Variants in MACF1 observed in about 807,000 individuals in gnomAD.
The protein encoded by MACF1 is microtubule actin crosslinking factor 1, also known as microtubule-actin cross-linking factor 1.
A neutral mutation model predicts 854.8 loss-of-function variants in MACF1; 193 were observed. The ratio of observed to expected loss-of-function variants is 0.23; its 90% CI spans 0.20 to 0.25. The LOEUF is 0.25. Ranked by LOEUF, MACF1 falls within the 10% of genes least tolerant of loss-of-function variation. The probability of loss-of-function intolerance (pLI) is 1.00; values close to 1 mark genes in which losing one functional copy is unlikely to be tolerated. For synonymous variants in MACF1, 3,185 were observed against 3,226.7 expected, an observed-to-expected ratio of 0.99 and a Z score of 0.44; for missense variants, 7,722 against 8,929.1, an observed-to-expected ratio of 0.86 and a Z score of 5.45.
At chr1:39,426,367 C>A (rs115270740) in intron 61 of MACF1, among the ~76,000 whole-genome samples, 1 of 152,064 alleles carries the variant, frequency 6.6e-6, no homozygotes, top group Admixed American at 6.6e-5. Flanking sequence ...TAGGACCTGG[C>A]GTAAATTAGG....
rs551333026 is a variant in MACF1, at chr1:39,332,722, C to G, written c.6134C>G (p.Ser2045Cys). 14 of 1,614,120 alleles carry G rather than the reference C, an allele frequency of 8.7e-6. No individual in the cohort carries two copies. Among genetic ancestry groups the G allele is most frequent in the Non-Finnish European group, 1.2e-5 (14 of 1,180,012 alleles). The part of the protein sequence containing the change: ...WTVRLPEFQF[S>C]SQNKEYPDRE... Reference sequence around the variant, plus strand: ...GTGAGGCTGCCTGAGTTCCAGTTTTCTTCTCAGAACAAAGAATATCCCGAT... The same window carrying G: ...GTGAGGCTGCCTGAGTTCCAGTTTTGTTCTCAGAACAAAGAATATCCCGAT... The change falls in exon 37 of 101, where the codon TCT becomes TGT. Residue 2045 changes from serine to cysteine, a missense_variant. Physicochemically the swap from Ser to Cys is moderately radical, Grantham distance 112. Transcript: ENST00000564288.
chr1:39,318,729 T>A, intron 30 of MACF1, 114 bp downstream of exon 30: 1 of 1,178,692 alleles, frequency 8.5e-7, no homozygotes, highest in Non-Finnish European at 1.2e-6. Flanking sequence ...ATATCCAAAT[T>A]CCCTTTTCTT....
At chr1:39,462,652 G>A (rs1159049163) in intron 93 of MACF1, among the ~76,000 whole-genome samples, 2 of 152,022 alleles carry the variant, frequency 1.3e-5, no homozygotes, top group African/African-American at 4.8e-5. Flanking sequence ...GAGATCAAAG[G>A]TGTGGTAAGC....
At position 39,360,549 on chromosome 1, in the gene MACF1, A is replaced by G. The variant is rs116645733; in HGVS notation, c.12245-244A>G. ...ATTATTATTACAATTACTATGTTCA[A>G]TGTAGGACTGGGCATGGTGGCTCAT... is the stretch of plus-strand genomic sequence containing the variant. On this transcript the variant is annotated intron_variant, in intron 47 of 100. Transcript: ENST00000564288. Among the ~76,000 whole-genome samples, 2,787 of 151,818 alleles carry G rather than the reference A, an allele frequency of 0.018. 94 individuals carry two copies. Among genetic ancestry groups the G allele is most frequent in the African/African-American group, 0.064 (2,664 of 41,450 alleles).
intron 2 of MACF1, among the ~76,000 whole-genome samples, chr1:39,152,560 C>G (rs941925244): frequency 2.6e-5 from 4 of 152,154 alleles, no homozygotes; most frequent in Non-Finnish European, 4.4e-5. Flanking sequence ...TTTAGCACTT[C>G]CTCAACATTG....
intron 58 of MACF1, among the ~76,000 whole-genome samples, chr1:39,404,145 GTAAGTAAA>G (rs1263093390): frequency 1.5e-5 from 2 of 133,078 alleles, no homozygotes; most frequent in African/African-American, 3.5e-5. Flanking sequence ...AAATAAATAA[GTAAGTAAA>G]TAAATAAATA....
Position 39,411,493 on chromosome 1 carries a change from G to C in MACF1, c.15817-10881G>C, listed in dbSNP as rs371254726. ...GCCAGCCAAGGACCAGTTGGCTACTGTTCCCAAGGATATACCCCTGGATTG... is the reference window on the plus strand; with the variant it reads ...GCCAGCCAAGGACCAGTTGGCTACTCTTCCCAAGGATATACCCCTGGATTG... On this transcript the variant is annotated intron_variant, in intron 58 of 100. Transcript: ENST00000564288. 3 of 1,613,756 alleles carry C rather than the reference G, an allele frequency of 1.9e-6. No individual in the cohort carries two copies. The Admixed American group carries it at 5.0e-5, about 27-fold the overall frequency.
At chr1:39,264,715 G>C (rs562050314) in intron 6 of MACF1, among the ~76,000 whole-genome samples, 265 of 142,996 alleles carry the variant, frequency 1.9e-3, no homozygotes, top group Non-Finnish European at 3.1e-3. Flanking sequence ...CGCCCAGGCC[G>C]GACTGCGGAC....
intron 2 of MACF1, among the ~76,000 whole-genome samples, chr1:39,245,486 C>T (rs551677990): frequency 6.6e-6 from 1 of 152,228 alleles, no homozygotes; most frequent in Non-Finnish European, 1.5e-5. Context: ...GTCATGTTGG[C>T]CAGGCTTGTC....
chr1:39,259,920 A>G (rs1009226954), intron 6 of MACF1, among the ~76,000 whole-genome samples: 3 of 152,162 alleles, frequency 2.0e-5, no homozygotes, highest in African/African-American at 7.2e-5. Context: ...CCCGGCCAGA[A>G]GAAACATTTC....
intron 1 of MACF1, among the ~76,000 whole-genome samples, chr1:39,208,664 G>A (rs970187977): frequency 1.3e-5 from 2 of 151,760 alleles, no homozygotes; most frequent in African/African-American, 4.8e-5. Flanking sequence ...TTGCCCTGTC[G>A]CCCAGGCTGG....
chr1:39,337,319 G>A lies in MACF1; in HGVS notation c.10203G>A (p.Leu3401=), dbSNP rs759810823. The part of the protein sequence containing the change: ...ELNLAELQDL[L]CQAKVLEREL... ...ACCTGGCAGAACTACAGGATCTGCT[G>A]TGTCAGGCCAAGGTAGGTTCCCAGA... The change falls in exon 38 of 101, where the codon CTG becomes CTA. Residue 3401 remains leucine, a synonymous_variant. Transcript: ENST00000564288. 9.9e-6 allele frequency: 16 copies of A among 1,613,796 alleles called. No homozygotes were observed. The East Asian group carries it at 3.3e-4, about 34-fold the overall frequency.
intron 6 of MACF1, among the ~76,000 whole-genome samples, chr1:39,263,892 G>A (rs1645197780): frequency 6.9e-6 from 1 of 144,994 alleles, no homozygotes; most frequent in Admixed American, 7.3e-5. Flanking sequence ...TTCTGCCTCA[G>A]CCTCCCGAGT....
At chr1:39,444,543 A>G in intron 79 of MACF1, 119 bp from the exon 80 acceptor site, 1 of 762,000 alleles carries the variant, frequency 1.3e-6, no homozygotes, top group Non-Finnish European at 2.0e-6. Context: ...AATCCAAAAG[A>G]ATGGCTTGTA....
chr1:39,287,467 A>G lies in MACF1; in HGVS notation c.1690A>G (p.Met564Val), dbSNP rs749609864. 18 of 1,614,162 alleles carry G rather than the reference A, an allele frequency of 1.1e-5. No individual in the cohort carries two copies. Among genetic ancestry groups the G allele is most frequent in the African/African-American group, 1.3e-5 (1 of 75,042 alleles). Residue 564 changes from methionine (M) to valine (V), a missense_variant, in exon 15 of 101, where the codon ATG becomes GTG. Physicochemically the swap from Met to Val is conservative, Grantham distance 21. Transcript: ENST00000564288. The stretch of plus-strand genomic sequence containing the variant: ...TTCTACCTCCTGGTTCCGAAAGCCT[A>G]TGACTCGGGCTGAACTTGTGGCCAT... ...SSSTSWFRKPMTRAELVAISS... is the reference protein window; with the variant it reads ...SSSTSWFRKPVTRAELVAISS...
intron 2 of MACF1, among the ~76,000 whole-genome samples, chr1:39,190,401 G>GTTTTTTTTTTTTTT (rs71057198): frequency 9.4e-6 from 1 of 105,988 alleles, no homozygotes; most frequent in Non-Finnish European, 1.7e-5. Context: ...GTTTGTTTTT[G>GTTTTTTTTTTTTTT]TTTTTTTTTT....
intron 1 of MACF1, among the ~76,000 whole-genome samples, chr1:39,221,124 G>T (rs1378054019): frequency 2.0e-5 from 3 of 152,180 alleles, no homozygotes; most frequent in East Asian, 3.8e-4. Flanking sequence ...CGGAATGGTT[G>T]CAGTTGAGTC....
intron 1 of MACF1, among the ~76,000 whole-genome samples, chr1:39,223,054 A>G (rs1177467348): frequency 1.3e-5 from 2 of 152,210 alleles, no homozygotes; most frequent in Non-Finnish European, 2.9e-5. Context: ...AAGCACACAA[A>G]CTAGTGTGTG....
intron 58 of MACF1, among the ~76,000 whole-genome samples, chr1:39,407,726 A>G (rs1411101748): frequency 1.3e-5 from 2 of 152,364 alleles, no homozygotes; most frequent in East Asian, 3.9e-4. Context: ...TCAAGGTTTC[A>G]GTGCCAGATC....
Sources: gnomAD v4.1 joint callset for allele counts (sites outside exome capture counted in the v4.1 genomes callset) on GRCh38, gnomAD v4.1.1 for gene constraint, MANE v1.5 for transcripts, NCBI Gene and HGNC (gene_info 2026-07-23, HGNC 2026-07-21) for gene names.